SAMD3: variants seen among roughly 807,000 people sequenced by gnomAD.
SAMD3 encodes sterile alpha motif domain containing 3.
In SAMD3, 63 loss-of-function variants were observed where a neutral mutation model predicts 58.5. The observed-to-expected ratio is 1.08, with a 90% CI of 0.88 to 1.33. The LOEUF (loss-of-function observed/expected upper bound fraction) is 1.33. SAMD3 is among the 40% of genes most tolerant of loss of function. SAMD3 has a pLI of 0.00. For missense variants in SAMD3, 604 were observed against 608.4 expected (o/e 0.99, Z 0.08); for synonymous variants, 220 against 210.3 (o/e 1.05, Z -0.40).
chr6:130,218,237 T>C (rs1796089020), intron 1 of SAMD3, among the ~76,000 whole-genome samples: 2 of 152,212 alleles, frequency 1.3e-5, no homozygotes, highest in South Asian at 2.1e-4. Context: ...TGCTAGTATA[T>C]GCTTCTCGCC....
Position 130,304,696 on chromosome 6 carries a change from GA to G in SAMD3, c.-188+8281del, listed in dbSNP as rs558764842. Among the ~76,000 whole-genome samples, 761 of 151,680 alleles carry G rather than the reference GA, an allele frequency of 5.0e-3. 6 individuals are homozygous for G. The highest frequency in any genetic ancestry group is 0.017 in the African/African-American group (718 of 41,414). ...ATAGAATCATCTTGCTAAGTTCCAT[GA>G]AAAAAAATTATGCCGAAATTTTAAT... On this transcript the variant is annotated intron_variant, in intron 2 of 13. Coordinates refer to the SAMD3 transcript ENST00000368134.
chr6:130,144,267 ATAACT>A (rs1184529452), downstream of SAMD3: 4 of 464,958 alleles, frequency 8.6e-6, no homozygotes, highest in African/African-American at 6.0e-5. Context: ...CTCTGAAAAT[ATAACT>A]TAACTGCGGA....
At chr6:130,270,445 C>A (rs1444061173) in intron 2 of SAMD3, among the ~76,000 whole-genome samples, 4 of 152,178 alleles carry the variant, frequency 2.6e-5, no homozygotes, top group African/African-American at 9.7e-5. Context: ...TAGGTTAGCT[C>A]CATATCTTGT....
chr6:130,356,005 T>A, intron 1 of SAMD3, among the ~76,000 whole-genome samples: 1 of 152,240 alleles, frequency 6.6e-6, no homozygotes. Flanking sequence ...CAGCCTATTT[T>A]GTCTGTTCCT....
At chr6:130,242,326 G>A (rs902532099) in intron 2 of SAMD3, among the ~76,000 whole-genome samples, 1 of 152,228 alleles carries the variant, frequency 6.6e-6, no homozygotes, top group Non-Finnish European at 1.5e-5. Context: ...ATGTCAATAA[G>A]TGAGTGTGGA....
intron 7 of SAMD3, chr6:130,183,346 A>C (rs1365414744): frequency 2.2e-6 from 1 of 450,676 alleles, no homozygotes; most frequent in East Asian, 7.0e-5. Context: ...CAAAAAAAAA[A>C]AAAGGAAAAA....
chr6:130,349,902 C>A (rs538980662), intron 1 of SAMD3, among the ~76,000 whole-genome samples: 165 of 152,246 alleles, frequency 1.1e-3, no homozygotes, highest in African/African-American at 3.3e-3. Flanking sequence ...CCCTGGGATG[C>A]AAGGCTGGTT....
chr6:130,156,373 A>G lies in SAMD3; in HGVS notation c.823-1348T>C, dbSNP rs114413958. On this transcript the variant is annotated intron_variant, in intron 8 of 11. Coordinates refer to ENST00000439090, the MANE Select transcript of SAMD3 (RefSeq NM_001017373.4). ...GAATACTCTCTAACCCATCCTTTGA[A>G]GCCTCTATGACACTGATCCCCAAAC... Among the ~76,000 whole-genome samples, 455 of 152,262 alleles carry G rather than the reference A, an allele frequency of 3.0e-3. 3 individuals are homozygous for G. The highest frequency in any genetic ancestry group is 0.01 in the African/African-American group (436 of 41,554).
At chr6:130,151,126 G>C (rs1789131894) in intron 9 of SAMD3, among the ~76,000 whole-genome samples, 1 of 152,136 alleles carries the variant, frequency 6.6e-6, no homozygotes, top group Non-Finnish European at 1.5e-5. Context: ...TCCTACAAAG[G>C]CCAGCTGCTT....
chr6:130,182,544 A>G (rs1792460371), intron 7 of SAMD3, among the ~76,000 whole-genome samples: 1 of 151,670 alleles, frequency 6.6e-6, no homozygotes, highest in African/African-American at 2.4e-5. Context: ...GGAAGGAAGG[A>G]AAGAAGGAAG....
intron 2 of SAMD3, among the ~76,000 whole-genome samples, chr6:130,304,917 A>C (rs9483105): frequency 0.13 from 17,003 of 126,446 alleles, 2,939 homozygotes; most frequent in African/African-American, 0.41. Context: ...CTAAAATTAC[A>C]TTTTCTTCCT....
At chr6:130,237,921 A>T (rs943817303) in intron 2 of SAMD3, among the ~76,000 whole-genome samples, 1 of 152,218 alleles carries the variant, frequency 6.6e-6, no homozygotes, top group Non-Finnish European at 1.5e-5. Context: ...GCAAAGTTTC[A>T]ATTCCAAGTC....
chr6:130,262,669 T>C (rs1774183529), intron 2 of SAMD3, among the ~76,000 whole-genome samples: 2 of 152,052 alleles, frequency 1.3e-5, no homozygotes, highest in African/African-American at 4.8e-5. Context: ...TGTAAAACTA[T>C]TAAAGAAACA....
In SAMD3 at chr6:130,144,514, A is replaced by G. The variant is rs745482257; in HGVS notation, c.*6T>C. 3 of 1,610,226 alleles carry G rather than the reference A, an allele frequency of 1.9e-6. No homozygotes were observed. Among genetic ancestry groups the G allele is most frequent in the South Asian group, 1.1e-5 (1 of 90,386 alleles). On this transcript the variant is annotated 3_prime_UTR_variant, in exon 12 of 12. Coordinates refer to ENST00000439090, the MANE Select transcript of SAMD3 (RefSeq NM_001017373.4). Reference sequence around the variant, plus strand: ...GGTAAATTCCAGTACAATATTTGGCATGCTATTAAGTGAGTGGGTGCTGAA... The same window carrying G: ...GGTAAATTCCAGTACAATATTTGGCGTGCTATTAAGTGAGTGGGTGCTGAA...
At chr6:130,153,299 C>T (rs1211419525) in intron 9 of SAMD3, among the ~76,000 whole-genome samples, 2 of 152,142 alleles carry the variant, frequency 1.3e-5, no homozygotes, top group East Asian at 3.9e-4. Context: ...CAAGCGAAAG[C>T]CACAGTATGG....
At chr6:130,184,681 A>C (rs1792762941) in intron 5 of SAMD3, 58 bp from the exon 6 acceptor site, 3 of 1,399,824 alleles carry the variant, frequency 2.1e-6, no homozygotes, top group Non-Finnish European at 2.9e-6. Context: ...GCAGTTTATT[A>C]ATTTGCTACA....
chr6:130,299,763 C>T (rs1029256171), intron 2 of SAMD3, among the ~76,000 whole-genome samples: 2 of 152,044 alleles, frequency 1.3e-5, no homozygotes, highest in African/African-American at 4.8e-5. Context: ...TCAGAAGTGA[C>T]AGAGGTAGCA....
chr6:130,292,267 C>CTTTTT (rs1554271698), intron 2 of SAMD3, among the ~76,000 whole-genome samples: 40 of 83,938 alleles, frequency 4.8e-4, no homozygotes, highest in African/African-American at 1.4e-3. Flanking sequence ...TTTTTTCTTT[C>CTTTTT]TTTCTTTTTT....
intron 1 of SAMD3, among the ~76,000 whole-genome samples, chr6:130,321,521 AG>A (rs1198759712): frequency 6.6e-6 from 1 of 152,224 alleles, no homozygotes; most frequent in African/African-American, 2.4e-5. Flanking sequence ...TTTTTTATGC[AG>A]CCATAGACAA....
Sources: gnomAD v4.1 joint callset for allele counts (sites outside exome capture counted in the v4.1 genomes callset) on GRCh38, gnomAD v4.1.1 for gene constraint, MANE v1.5 for transcripts, NCBI Gene and HGNC (gene_info 2026-07-23, HGNC 2026-07-21) for gene names.